PTP4A3: variants seen among roughly 807,000 people sequenced by gnomAD.
PTP4A3 encodes the protein protein tyrosine phosphatase 4A3.
A neutral mutation model predicts 15.2 loss-of-function variants in PTP4A3; 9 were observed. The ratio of observed to expected loss-of-function variants is 0.59; its 90% CI spans 0.36 to 1.03. The LOEUF (loss-of-function observed/expected upper bound fraction) is 1.03. Ranked by LOEUF, PTP4A3 falls within the 50% of genes least tolerant of loss-of-function variation. PTP4A3 has a pLI of 0.02. For synonymous variants in PTP4A3, 95 were observed against 102.0 expected (o/e 0.93, Z 0.41); for missense variants, 234 against 252.1 (o/e 0.93, Z 0.49).
chr8:141,407,259 C>G (rs764755787), intron 1 of PTP4A3, among the ~76,000 whole-genome samples: 1 of 152,246 alleles, frequency 6.6e-6, no homozygotes, highest in Non-Finnish European at 1.5e-5. Flanking sequence ...CCTTCACACA[C>G]GTGGGCACAA....
chr8:141,413,933 A>G (rs1832941765), intron 1 of PTP4A3, among the ~76,000 whole-genome samples: 1 of 152,162 alleles, frequency 6.6e-6, no homozygotes, highest in Admixed American at 6.5e-5. Context: ...GGACAGGAGG[A>G]CATGGAGGAT....
At chr8:141,402,785 G>T (rs901064213) in intron 1 of PTP4A3, among the ~76,000 whole-genome samples, 6 of 146,550 alleles carry the variant, frequency 4.1e-5, no homozygotes, top group Non-Finnish European at 8.9e-5. Flanking sequence ...ACTCATGATC[G>T]TCTTGAGTAA....
intron 4 of PTP4A3, 143 bp downstream of exon 4, chr8:141,427,212 C>T: frequency 8.4e-7 from 1 of 1,194,642 alleles, no homozygotes; most frequent in Middle Eastern, 2.9e-4. Context: ...CTGGGGCTCC[C>T]AGACTGGTCC....
In PTP4A3 at chr8:141,422,257, G is replaced by T. The variant is rs376532003; in HGVS notation, c.17G>T (p.Arg6Leu). 43 of 1,613,010 alleles carry T rather than the reference G, an allele frequency of 2.7e-5. No individual in the cohort carries two copies. Among genetic ancestry groups the T allele is most frequent in the South Asian group, 9.9e-5 (9 of 91,080 alleles). Reference sequence around the variant, plus strand: ...GGAGGCGCCATGGCTCGGATGAACCGCCCGGCCCCGGTGGAGGTGAGCTAC... The same window carrying T: ...GGAGGCGCCATGGCTCGGATGAACCTCCCGGCCCCGGTGGAGGTGAGCTAC... MARMN[R>L]PAPVEVSYKH... The change falls in exon 2 of 6, where the codon CGC becomes CTC. Residue 6 changes from arginine to leucine, a missense_variant. Coordinates refer to ENST00000521578, the MANE Select transcript of PTP4A3 (RefSeq NM_032611.3).
chr8:141,417,911 C>G (rs559972470), intron 1 of PTP4A3, among the ~76,000 whole-genome samples: 2 of 151,892 alleles, frequency 1.3e-5, no homozygotes, highest in African/African-American at 2.4e-5. Context: ...GTGGCGGCAG[C>G]GCCTGGAGCC....
At chr8:141,417,315 G>A (rs1413998184) in intron 1 of PTP4A3, among the ~76,000 whole-genome samples, 1 of 152,174 alleles carries the variant, frequency 6.6e-6, no homozygotes, top group African/African-American at 2.4e-5. Flanking sequence ...CAGCCACAGC[G>A]GGGTCGTGAG....
chr8:141,399,711 G>T (rs1832538017), intron 1 of PTP4A3, among the ~76,000 whole-genome samples: 1 of 152,230 alleles, frequency 6.6e-6, no homozygotes, highest in South Asian at 2.1e-4. Context: ...GGATGGACGG[G>T]GTCCTGGTGG....
At position 141,404,063 on chromosome 8, in the gene PTP4A3, T is replaced by G. The variant is rs1409957544; in HGVS notation, c.-854+11979T>G. Among the ~76,000 whole-genome samples, 11 of 152,236 alleles carry G rather than the reference T, an allele frequency of 7.2e-5. No individual in the cohort carries two copies. In the South Asian group the frequency reaches 2.3e-3, roughly 32 times the overall value. ...CACTCCCATGCACAGCCACACCCACTCAGCCAGGGCCACGGCGACACGCCT... is the reference window on the plus strand; with the variant it reads ...CACTCCCATGCACAGCCACACCCACGCAGCCAGGGCCACGGCGACACGCCT... On this transcript the variant is annotated intron_variant, in intron 1 of 5. Transcript: ENST00000521578.
At chr8:141,413,618 G>A (rs377593970) in intron 1 of PTP4A3, among the ~76,000 whole-genome samples, 119 of 152,328 alleles carry the variant, frequency 7.8e-4, no homozygotes, top group African/African-American at 2.1e-3. Context: ...GTCAGAACAC[G>A]GCTCCCTCCT....
chr8:141,404,188 C>T (rs1432679750), intron 1 of PTP4A3, among the ~76,000 whole-genome samples: 1 of 152,280 alleles, frequency 6.6e-6, no homozygotes, highest in Non-Finnish European at 1.5e-5. Flanking sequence ...ACGCAATGGC[C>T]CTGAAAGGGA....
chr8:141,420,055 C>T (rs1833255549), intron 1 of PTP4A3, among the ~76,000 whole-genome samples: 1 of 152,188 alleles, frequency 6.6e-6, no homozygotes, highest in Non-Finnish European at 1.5e-5. Context: ...CAAGCCCTAC[C>T]TGCACCTGGG....
chr8:141,398,913 G>A (rs895265189), intron 1 of PTP4A3, among the ~76,000 whole-genome samples: 4 of 152,028 alleles, frequency 2.6e-5, no homozygotes, highest in Non-Finnish European at 5.9e-5. Context: ...CGGAGACCTC[G>A]AAGCCAGGCC....
chr8:141,408,757 C>T lies in PTP4A3; in HGVS notation c.-853-12631C>T, dbSNP rs532178691. Among the ~76,000 whole-genome samples, 51 of 152,344 alleles carry T rather than the reference C, an allele frequency of 3.3e-4. No individual in the cohort carries two copies. The East Asian group carries it at 8.7e-3, about 26-fold the overall frequency. ...AGTCCGTAAAATAGGGTGAAAGTGT[C>T]GTTGCCCTGCCCCCGGGTTCCCAGT... On this transcript the variant is annotated intron_variant, in intron 1 of 5. Transcript: ENST00000521578.
intron 4 of PTP4A3, among the ~76,000 whole-genome samples, chr8:141,427,373 G>A (rs533795855): frequency 6.6e-6 from 1 of 152,238 alleles, no homozygotes; most frequent in African/African-American, 2.4e-5. Context: ...TGGGGCCTCA[G>A]ACTCCCTGCT....
intron 1 of PTP4A3, among the ~76,000 whole-genome samples, chr8:141,399,993 C>T (rs116087272): frequency 2.5e-3 from 384 of 152,394 alleles, no homozygotes; most frequent in African/African-American, 8.8e-3. Context: ...TGCAAACCTC[C>T]GCTTCCCAGG....
At chr8:141,417,921 C>T (rs901195433) in intron 1 of PTP4A3, among the ~76,000 whole-genome samples, 2 of 151,886 alleles carry the variant, frequency 1.3e-5, no homozygotes, top group African/African-American at 2.4e-5. Context: ...CGCCTGGAGC[C>T]GGCTCCGCGG....
chr8:141,408,915 C>T (rs1351676079), intron 1 of PTP4A3, among the ~76,000 whole-genome samples: 1 of 152,238 alleles, frequency 6.6e-6, no homozygotes, highest in Non-Finnish European at 1.5e-5. Context: ...CACAGAGTGC[C>T]TTGCCACTGG....
intron 1 of PTP4A3, among the ~76,000 whole-genome samples, chr8:141,409,699 G>A (rs533493545): frequency 8.5e-5 from 13 of 152,344 alleles, no homozygotes; most frequent in African/African-American, 2.9e-4. Context: ...CCTTAGGTCC[G>A]CTGGTTCTGA....
At chr8:141,427,921 G>A (rs930088581) in intron 5 of PTP4A3, 97 bp downstream of exon 5, 22 of 1,186,488 alleles carry the variant, frequency 1.9e-5, no homozygotes, top group East Asian at 2.6e-5. Context: ...TGGTTCCGTC[G>A]CTCTGAGGCT....
Sources: gnomAD v4.1 joint callset for allele counts (sites outside exome capture counted in the v4.1 genomes callset) on GRCh38, gnomAD v4.1.1 for gene constraint, MANE v1.5 for transcripts, NCBI Gene and HGNC (gene_info 2026-07-23, HGNC 2026-07-21) for gene names.